The following NUP214 variants were observed in gnomAD, a reference collection of about 807,000 sequenced individuals.
NUP214 encodes the protein nucleoporin 214, also known as nuclear pore complex protein Nup214.
A neutral mutation model predicts 196.2 loss-of-function variants in NUP214; 79 were observed. The observed-to-expected ratio is 0.40, with a 90% CI of 0.34 to 0.49. The LOEUF is 0.49. Ranked by LOEUF, NUP214 falls within the 20% of genes least tolerant of loss-of-function variation. The probability of loss-of-function intolerance (pLI) is 0.58; values close to 1 mark genes in which losing one functional copy is unlikely to be tolerated. For synonymous variants in NUP214, 1,020 were observed against 990.5 expected (o/e 1.03, Z -0.56); for missense variants, 2,468 against 2,539.0 (o/e 0.97, Z 0.60).
chr9:131,201,267 G>C (rs1237148300), intron 29 of NUP214, among the ~76,000 whole-genome samples: 1 of 151,676 alleles, frequency 6.6e-6, no homozygotes, highest in East Asian at 1.9e-4. Flanking sequence ...AAGAGATCAA[G>C]ACCATCCTGG....
At chr9:131,160,909 A>G (rs1832611772) in intron 18 of NUP214, among the ~76,000 whole-genome samples, 2 of 152,170 alleles carry the variant, frequency 1.3e-5, no homozygotes, top group African/African-American at 2.4e-5. Context: ...GTGGGGCCCC[A>G]TTAGAGAACT....
intron 28 of NUP214, among the ~76,000 whole-genome samples, chr9:131,196,692 G>A (rs570316053): frequency 1.3e-5 from 2 of 152,118 alleles, no homozygotes; most frequent in African/African-American, 4.8e-5. Flanking sequence ...CCACCAGACC[G>A]TACTGCCTCT....
chr9:131,229,949 C>T (rs894997526), intron 33 of NUP214: 49 of 355,486 alleles, frequency 1.4e-4, no homozygotes, highest in African/African-American at 1.0e-3. Context: ...CTAGTCACCT[C>T]CAGACCCCAG....
rs145872810 is a variant in NUP214 at position 131,154,957 on chromosome 9, G to A, written c.2436+3063G>A. Among the ~76,000 whole-genome samples, 167 of 152,338 alleles carry A rather than the reference G, an allele frequency of 1.1e-3. 1 individual carries two copies. The highest frequency in any genetic ancestry group is 3.6e-3 in the African/African-American group (151 of 41,586). ...GTGAATTGTGCTGCTGTAAACATGC[G>A]TGTGCAAGTGTCTTTTTCATGTAAT... On this transcript the variant is annotated intron_variant, in intron 17 of 35. Coordinates refer to ENST00000359428, the MANE Select transcript of NUP214 (RefSeq NM_005085.4).
chr9:131,218,586 C>A (rs1204865724), intron 31 of NUP214, among the ~76,000 whole-genome samples: 1 of 152,122 alleles, frequency 6.6e-6, no homozygotes, highest in African/African-American at 2.4e-5. Context: ...CCCCGCACTC[C>A]CCGCCCCATT....
chr9:131,204,448 CGAT>C (rs1409727979), intron 30 of NUP214, among the ~76,000 whole-genome samples: 1 of 152,172 alleles, frequency 6.6e-6, no homozygotes, highest in Non-Finnish European at 1.5e-5. Flanking sequence ...TGAGGGCTAT[CGAT>C]AGCCTCTGTC....
intron 24 of NUP214, 121 bp from the exon 25 acceptor site, chr9:131,187,168 C>T: frequency 1.3e-6 from 1 of 741,838 alleles, no homozygotes; most frequent in Non-Finnish European, 2.3e-6. Context: ...ATTGGGGTCC[C>T]ATGCATCTGT....
At chr9:131,168,824 GAA>G (rs1832861802) in intron 21 of NUP214, among the ~76,000 whole-genome samples, 1 of 151,896 alleles carries the variant, frequency 6.6e-6, no homozygotes, top group Middle Eastern at 3.2e-3. Flanking sequence ...ACTATTTATT[GAA>G]AAGACTCTCC....
rs575136699 is a variant in NUP214 at position 131,227,571 on chromosome 9, G to T, written c.5903-589G>T. Among the ~76,000 whole-genome samples the T allele has an allele frequency of 3.9e-5, 6 of 152,156 alleles. No individual in the cohort carries two copies. The South Asian group carries it at 8.3e-4, about 21-fold the overall frequency. On this transcript the variant is annotated intron_variant, in intron 32 of 35. Transcript: ENST00000359428. ...CCATCAGGCTGTAAATAAATAAAAA[G>T]CACCTGGCTGGGCGCCAGCATACAC...
chr9:131,201,282 C>A (rs554285255), intron 29 of NUP214, among the ~76,000 whole-genome samples: 4 of 151,762 alleles, frequency 2.6e-5, no homozygotes, highest in Admixed American at 1.3e-4. Flanking sequence ...TCCTGGCCAA[C>A]ATGGAGAAAC....
At chr9:131,212,636 G>T (rs938811325) in intron 30 of NUP214, among the ~76,000 whole-genome samples, 1 of 152,166 alleles carries the variant, frequency 6.6e-6, no homozygotes, top group African/African-American at 2.4e-5. Context: ...CTGCAGTGGT[G>T]GTTGGGTCTA....
At chr9:131,150,296 G>A (rs1013182406) in intron 14 of NUP214, 28 bp from the exon 15 acceptor site, 3 of 1,609,148 alleles carry the variant, frequency 1.9e-6, no homozygotes, top group South Asian at 1.1e-5. Flanking sequence ...ATGACTTGCA[G>A]TTTTTAAACC....
rs778848415 is a variant in NUP214, at chr9:131,198,763, G to A, written c.5269G>A (p.Gly1757Ser). 35 of 1,614,050 alleles carry A rather than the reference G, an allele frequency of 2.2e-5. No individual in the cohort carries two copies. The highest frequency in any genetic ancestry group is 2.4e-5 in the Non-Finnish European group (28 of 1,180,036). The change falls in exon 29 of 36, where the codon GGT (glycine) becomes AGT (serine). Residue 1757 changes from glycine (G) to serine (S), a missense_variant. Physicochemically the swap from Gly to Ser is moderately conservative, Grantham distance 56. This residue lies in a region of NUP214 where 1,801 missense variants were observed against 1,779.4 expected (regional missense o/e 1.01). Transcript: ENST00000359428. The part of the protein sequence containing the change: ...QPGFSSVPAF[G>S]QPASSTPTST... ...TGGGTTCAGTTCCGTGCCTGCCTTC[G>A]GTCAGCCTGCTTCCTCCACTCCCAC...
At chr9:131,221,138 T>C (rs1418689170) in intron 31 of NUP214, among the ~76,000 whole-genome samples, 1 of 152,232 alleles carries the variant, frequency 6.6e-6, no homozygotes, top group African/African-American at 2.4e-5. Flanking sequence ...GACGTAACTT[T>C]GGGCTAGCTC....
At chr9:131,211,654 C>T (rs1034569209) in intron 30 of NUP214, among the ~76,000 whole-genome samples, 3 of 152,186 alleles carry the variant, frequency 2.0e-5, no homozygotes, top group African/African-American at 7.2e-5. Flanking sequence ...TAATTTCTTA[C>T]GCCTGTCTTT....
rs559088460 is a variant in NUP214 at position 131,170,224 on chromosome 9, G to A, written c.2894-3831G>A. 5.3e-5 allele frequency among the ~76,000 whole-genome samples: 8 copies of A among 152,228 alleles called. No individual in the cohort carries two copies. In the South Asian group the frequency reaches 1.0e-3, roughly 20 times the overall value. On this transcript the variant is annotated intron_variant, in intron 21 of 35. Coordinates refer to ENST00000359428, the MANE Select transcript of NUP214 (RefSeq NM_005085.4). ...AAAAAAGAAGGGAGGCAGGAGAATC[G>A]CTTGAACCCGGGAGGCAGAGGTCGC...
chr9:131,191,929 A>G (rs1177255323), intron 26 of NUP214: 1 of 270,146 alleles, frequency 3.7e-6, no homozygotes, highest in East Asian at 6.9e-5. Flanking sequence ...CATTTAAACT[A>G]TACTAGAATT....
chr9:131,159,384 A>G lies in NUP214; in HGVS notation c.2438A>G (p.Glu813Gly). ...TGCCTTTTAATTTTTTTCTTATAGGAAATTCGGCGCCTTCATCAGTATGTG... is the reference window on the plus strand; with the variant it reads ...TGCCTTTTAATTTTTTTCTTATAGGGAATTCGGCGCCTTCATCAGTATGTG... ...LDPKSEAQLQ[E>G]IRRLHQYVKF... is the part of the protein sequence containing the mutation. Residue 813 changes from glutamate to glycine, a missense_variant and splice_region_variant, in exon 18 of 36, where the codon GAA (glutamate) becomes GGA (glycine). Glu to Gly is a moderately conservative substitution (Grantham distance 98, BLOSUM62 -2). This residue lies in a region of NUP214 where 1,801 missense variants were observed against 1,779.4 expected (regional missense o/e 1.01). Coordinates refer to ENST00000359428, the MANE Select transcript of NUP214 (RefSeq NM_005085.4). The G allele has an allele frequency of 1.2e-6, 2 of 1,611,340 alleles. No homozygotes were observed. The highest frequency in any genetic ancestry group is 1.7e-6 in the Non-Finnish European group (2 of 1,178,996).
chr9:131,154,840 T>TGCGC (rs1554730831), intron 17 of NUP214, among the ~76,000 whole-genome samples: 2 of 151,254 alleles, frequency 1.3e-5, no homozygotes, highest in East Asian at 3.9e-4. Context: ...TGTGTGTGTG[T>TGCGC]GTGCGCACGC....
Sources: gnomAD v4.1 joint callset for allele counts (sites outside exome capture counted in the v4.1 genomes callset) on GRCh38, gnomAD v4.1.1 for gene constraint, gnomAD v4.1.1 regional missense constraint, MANE v1.5 for transcripts, NCBI Gene and HGNC (gene_info 2026-07-23, HGNC 2026-07-21) for gene names.